CCDC62: variants seen among roughly 807,000 people sequenced by gnomAD.
CCDC62 encodes the protein coiled-coil domain-containing protein 62.
CCDC62 carries 72 observed loss-of-function variants against 80.8 expected under a neutral mutation model. That is an observed-to-expected ratio of 0.89 (90% CI 0.74 to 1.08). The LOEUF is 1.08. CCDC62 is among the 50% of genes least tolerant of loss of function. The pLI, the probability that CCDC62 is intolerant of heterozygous loss-of-function variation, is 0.00. For synonymous variants in CCDC62, 286 were observed against 296.5 expected (o/e 0.96, Z 0.36); for missense variants, 704 against 809.4 (o/e 0.87, Z 1.58).
rs1343132806 is a variant in CCDC62, at chr12:122,777,695, A to C, written c.229+12A>C. The C allele has an allele frequency of 1.2e-6, 2 of 1,611,092 alleles. No homozygotes were observed. Among genetic ancestry groups the C allele is most frequent in the Admixed American group, 1.7e-5 (1 of 59,984 alleles). On this transcript the variant is annotated intron_variant, in intron 2 of 12. Coordinates refer to ENST00000253079, the MANE Select transcript of CCDC62 (RefSeq NM_201435.5). ...CAGCAAATTAGAAGGTCAGAAATACATTCAGGGACAACAGTTATGCACTTC... is the reference window on the plus strand; with the variant it reads ...CAGCAAATTAGAAGGTCAGAAATACCTTCAGGGACAACAGTTATGCACTTC...
chr12:122,790,142 C>A (rs191118006), intron 5 of CCDC62, among the ~76,000 whole-genome samples: 13 of 152,212 alleles, frequency 8.5e-5, no homozygotes, highest in African/African-American at 2.4e-4. Context: ...CCTCCACCTC[C>A]TGGGTTCAAG....
intron 1 of CCDC62, among the ~76,000 whole-genome samples, chr12:122,775,358 T>C (rs1158337777): frequency 6.6e-6 from 1 of 152,206 alleles, no homozygotes; most frequent in East Asian, 1.9e-4. Context: ...GAAGTGGGCT[T>C]GCCCAAGGTT....
chr12:122,810,357 A>T (rs551741804), intron 10 of CCDC62, among the ~76,000 whole-genome samples: 5 of 152,254 alleles, frequency 3.3e-5, no homozygotes, highest in Non-Finnish European at 7.3e-5. Context: ...CAAATGGGCG[A>T]AGGATATGAA....
chr12:122,805,187 C>CTTTT (rs35231650), intron 9 of CCDC62, among the ~76,000 whole-genome samples: 142 of 64,338 alleles, frequency 2.2e-3, no homozygotes, highest in Non-Finnish European at 2.6e-3. Flanking sequence ...AACTGGCCGG[C>CTTTT]TTTTTTTTTT....
chr12:122,795,472 G>A (rs2030879259), intron 6 of CCDC62, among the ~76,000 whole-genome samples: 1 of 151,766 alleles, frequency 6.6e-6, no homozygotes, highest in South Asian at 2.1e-4. Flanking sequence ...CGCCCAGGCT[G>A]GAGTGCAGTG....
chr12:122,789,359 A>G (rs990528246), intron 5 of CCDC62, among the ~76,000 whole-genome samples: 2 of 152,260 alleles, frequency 1.3e-5, no homozygotes, highest in Non-Finnish European at 2.9e-5. Context: ...TCGTCTTGCT[A>G]TCAGGCTAGC....
At position 122,826,645 on chromosome 12, in the gene CCDC62, T is replaced by C; in HGVS notation, c.*264T>C. On this transcript the variant is annotated 3_prime_UTR_variant, in exon 13 of 13. Transcript: ENST00000253079. ...AAGAAAGTAGACCTTATTGTACATATAGAAAGTTGGAATTATGCTAAGAAT... is the reference window on the plus strand; with the variant it reads ...AAGAAAGTAGACCTTATTGTACATACAGAAAGTTGGAATTATGCTAAGAAT... The C allele has an allele frequency of 4.3e-6, 2 of 465,942 alleles. No homozygotes were observed. The highest frequency in any genetic ancestry group is 7.6e-6 in the Non-Finnish European group (2 of 264,792). 28.9% of individuals were successfully genotyped at this position (465,942 alleles called of 1,614,324 possible).
At chr12:122,817,981 A>G (rs1189451358) in intron 11 of CCDC62, among the ~76,000 whole-genome samples, 1 of 152,076 alleles carries the variant, frequency 6.6e-6, no homozygotes, top group Non-Finnish European at 1.5e-5. Context: ...CTCAGGGCCT[A>G]CCTTGAATGG....
In CCDC62 at chr12:122,801,646, A is replaced by C. The variant is rs771200702; in HGVS notation, c.1500A>C (p.Lys500Asn). 1.2e-5 allele frequency: 20 copies of C among 1,614,074 alleles called. No homozygotes were observed. In the Admixed American group the frequency reaches 1.7e-4, roughly 13 times the overall value. ...MERSEISCCQ[K>N]NEACLGESGM... ...GGTCCGAAATCTCATGCTGCCAGAA[A>C]AATGAAGCCTGTCTGGGCGAAAGTG... The change falls in exon 9 of 13, where the codon AAA becomes AAC. Residue 500 changes from lysine (K) to asparagine (N), a missense_variant. By Grantham distance (94) the Lys-to-Asn change is moderately conservative. Transcript: ENST00000253079.
At chr12:122,795,271 G>A (rs532518263) in intron 6 of CCDC62, among the ~76,000 whole-genome samples, 52 of 151,728 alleles carry the variant, frequency 3.4e-4, no homozygotes, top group African/African-American at 1.2e-3. Flanking sequence ...GGCTGGTCTC[G>A]AACTCTTGAG....
chr12:122,798,169 A>G lies in CCDC62; in HGVS notation c.946A>G (p.Lys316Glu), dbSNP rs768372312. Residue 316 changes from lysine (K) to glutamate (E), a missense_variant, in exon 8 of 13, where the codon AAG becomes GAG. Coordinates refer to ENST00000253079, the MANE Select transcript of CCDC62 (RefSeq NM_201435.5). ...GGAATTAATACAGATGTATGACTCA[A>G]AGATGGAGGAATCAAAGGCTCTGGA... The part of the protein sequence containing the change: ...SQELIQMYDS[K>E]MEESKALDSS... 2 of 1,579,732 alleles carry G rather than the reference A, an allele frequency of 1.3e-6. No individual in the cohort carries two copies. Among genetic ancestry groups the G allele is most frequent in the Non-Finnish European group, 1.7e-6 (2 of 1,149,322 alleles).
intron 4 of CCDC62, among the ~76,000 whole-genome samples, chr12:122,786,732 G>A (rs1264514095): frequency 1.3e-5 from 2 of 151,666 alleles, no homozygotes; most frequent in Non-Finnish European, 2.9e-5. Flanking sequence ...AGGCCGAGGC[G>A]GGCAGATCAC....
chr12:122,788,164 A>T (rs1465844385), intron 4 of CCDC62, among the ~76,000 whole-genome samples: 1 of 152,120 alleles, frequency 6.6e-6, no homozygotes, highest in African/African-American at 2.4e-5. Context: ...TAGAACTTTT[A>T]CTTATTTTTA....
chr12:122,775,085 C>T (rs1593771886), intron 1 of CCDC62, among the ~76,000 whole-genome samples: 1 of 112,620 alleles, frequency 8.9e-6, no homozygotes, highest in Non-Finnish European at 1.8e-5. Flanking sequence ...CAGAGCGAGA[C>T]TCCGTCTCAA....
intron 11 of CCDC62, among the ~76,000 whole-genome samples, chr12:122,816,944 G>C (rs893639413): frequency 6.6e-6 from 1 of 152,060 alleles, no homozygotes. Context: ...GGATTTGTTG[G>C]ACAGATAATT....
At chr12:122,806,034 C>A in intron 9 of CCDC62, 117 bp from the exon 10 acceptor site, 1 of 865,640 alleles carries the variant, frequency 1.2e-6, no homozygotes, top group Non-Finnish European at 1.7e-6. Context: ...TCAAACTTGA[C>A]CTGCTTCAAT....
chr12:122,783,668 T>C (rs930407187), intron 3 of CCDC62, among the ~76,000 whole-genome samples: 3 of 152,212 alleles, frequency 2.0e-5, no homozygotes, highest in Non-Finnish European at 1.5e-5. Context: ...AAGTAAAAAC[T>C]ATTCTAGAAT....
At position 122,803,238 on chromosome 12, in the gene CCDC62, T is replaced by G. The variant is rs575518767; in HGVS notation, c.1706+1386T>G. On this transcript the variant is annotated intron_variant, in intron 9 of 12. Transcript: ENST00000253079. ...CGTGCCTGCCTTTGTGTTCATTCAT[T>G]TCATATCTGTTTGAGACTTTACATT... Among the ~76,000 whole-genome samples, 5 of 152,308 alleles carry G rather than the reference T, an allele frequency of 3.3e-5. No individual in the cohort carries two copies. In the South Asian group the frequency reaches 1.0e-3, roughly 32 times the overall value.
At chr12:122,813,496 G>A (rs921544256) in intron 11 of CCDC62, 77 bp downstream of exon 11, 27 of 1,374,516 alleles carry the variant, frequency 2.0e-5, no homozygotes, top group Admixed American at 9.0e-5. Flanking sequence ...AAATATCACC[G>A]GCAGGGCGGC....
Sources: allele counts gnomAD v4.1 joint callset (sites outside exome capture counted in the v4.1 genomes callset), GRCh38; gene constraint gnomAD v4.1.1; transcripts MANE v1.5; gene names NCBI Gene and HGNC (gene_info 2026-07-23, HGNC 2026-07-21).